DCT: variants seen among roughly 807,000 people sequenced by gnomAD.
The protein encoded by DCT is dopachrome tautomerase.
A neutral mutation model predicts 53.0 loss-of-function variants in DCT; 47 were observed. The ratio of observed to expected loss-of-function variants is 0.89; its 90% CI spans 0.70 to 1.13. The LOEUF (loss-of-function observed/expected upper bound fraction) is 1.13. Among genes scored for constraint, DCT ranks in the 50% most tolerant of loss-of-function variants. The pLI is 0.00. For synonymous variants in DCT, 244 were observed against 237.0 expected (o/e 1.03, Z -0.27); for missense variants, 669 against 637.4 (o/e 1.05, Z -0.53).
At chr13:94,536,295 A>C in the DCT span, among the ~76,000 whole-genome samples, 1 of 152,202 alleles carries the variant, frequency 6.6e-6, no homozygotes, top group Non-Finnish European at 1.5e-5. Flanking sequence ...TTCTGGGAGC[A>C]GCCAGGGCCT....
intron 6 of DCT, among the ~76,000 whole-genome samples, chr13:94,451,608 T>C (rs1032835581): frequency 1.3e-5 from 2 of 152,174 alleles, no homozygotes. Context: ...GATTTGTTCA[T>C]TTAAGAGGTG....
chr13:94,492,241 G>C, the DCT span, among the ~76,000 whole-genome samples: 1 of 152,226 alleles, frequency 6.6e-6, no homozygotes, highest in East Asian at 1.9e-4. Context: ...GAAGCAGCGA[G>C]CCTTAAAGAT....
At chr13:94,498,131 C>T in the DCT span, among the ~76,000 whole-genome samples, 1 of 152,132 alleles carries the variant, frequency 6.6e-6, no homozygotes, top group African/African-American at 2.4e-5. Context: ...GAGTGAAATC[C>T]CCAAAGTTGG....
intron 6 of DCT, among the ~76,000 whole-genome samples, chr13:94,443,951 A>C (rs1317290668): frequency 6.6e-6 from 1 of 152,218 alleles, no homozygotes; most frequent in African/African-American, 2.4e-5. Context: ...TGTTGGATTT[A>C]ACATTGGTTG....
At chr13:94,519,424 A>T in the DCT span, among the ~76,000 whole-genome samples, 1 of 152,140 alleles carries the variant, frequency 6.6e-6, no homozygotes, top group East Asian at 1.9e-4. Context: ...CTGGTTTTGT[A>T]CCCAAGGAGT....
the DCT span, among the ~76,000 whole-genome samples, chr13:94,496,590 TGGTAAG>T: frequency 1.3e-5 from 2 of 152,100 alleles, no homozygotes; most frequent in East Asian, 3.8e-4. Context: ...TATGGGCTGG[TGGTAAG>T]GGACATAATT....
At chr13:94,451,495 T>C (rs1055208398) in intron 6 of DCT, among the ~76,000 whole-genome samples, 6 of 152,236 alleles carry the variant, frequency 3.9e-5, no homozygotes, top group African/African-American at 1.2e-4. Context: ...TATAAATCTC[T>C]GCTCAGCCAT....
At chr13:94,480,517 T>C (rs1885396454), upstream of DCT, among the ~76,000 whole-genome samples, 1 of 152,212 alleles carries the variant, frequency 6.6e-6, no homozygotes, top group Admixed American at 6.5e-5. Flanking sequence ...TCTAAGAATA[T>C]ACTTGAATGT....
At chr13:94,453,248 G>A (rs1008444461) in intron 6 of DCT, among the ~76,000 whole-genome samples, 2 of 152,016 alleles carry the variant, frequency 1.3e-5, no homozygotes, top group African/African-American at 4.8e-5. Context: ...GGTACCCATG[G>A]TGGGGGGTCC....
chr13:94,464,100 A>C (rs1883998160), intron 4 of DCT, among the ~76,000 whole-genome samples: 1 of 152,246 alleles, frequency 6.6e-6, no homozygotes, highest in South Asian at 2.1e-4. Context: ...TGATGGAATT[A>C]AGCTCAGTCA....
the DCT span, among the ~76,000 whole-genome samples, chr13:94,493,889 T>C: frequency 2.0e-5 from 3 of 152,140 alleles, no homozygotes; most frequent in Non-Finnish European, 4.4e-5. Flanking sequence ...TCATGTAAAC[T>C]ATGGGCCCAA....
the DCT span, among the ~76,000 whole-genome samples, chr13:94,498,237 C>T: frequency 6.6e-6 from 1 of 152,204 alleles, no homozygotes; most frequent in Admixed American, 6.5e-5. Flanking sequence ...GTAGACCAAG[C>T]ATAATAAGAG....
the DCT span, among the ~76,000 whole-genome samples, chr13:94,516,176 A>AT: frequency 0.012 from 1,872 of 151,986 alleles, 44 homozygotes; most frequent in African/African-American, 0.042. Flanking sequence ...AAGAGGTGGC[A>AT]TATGGATTGA....
At position 94,439,877 on chromosome 13, in the gene DCT, C is replaced by G. The variant is rs1232679910; in HGVS notation, c.*21G>C. Reference sequence around the variant, plus strand: ...AACTGTGGCTTGGCCAGCCTCTTCTCTTAGGTAAGGCATGAGCACCCTAGG... The same window carrying G: ...AACTGTGGCTTGGCCAGCCTCTTCTGTTAGGTAAGGCATGAGCACCCTAGG... On this transcript the variant is annotated 3_prime_UTR_variant, in exon 8 of 8. Coordinates refer to ENST00000377028, the MANE Select transcript of DCT (RefSeq NM_001922.5). 6.3e-7 allele frequency: 1 copy of G among 1,593,836 alleles called. No individual in the cohort carries two copies. Among genetic ancestry groups the G allele is most frequent in the Admixed American group, 1.8e-5 (1 of 56,670 alleles).
At chr13:94,521,821 A>T in the DCT span, among the ~76,000 whole-genome samples, 4 of 152,230 alleles carry the variant, frequency 2.6e-5, no homozygotes, top group African/African-American at 9.6e-5. Flanking sequence ...TAGTATGTTC[A>T]AAGAGTTGTG....
chr13:94,478,280 G>A (rs1362655311), intron 1 of DCT, among the ~76,000 whole-genome samples: 2 of 151,648 alleles, frequency 1.3e-5, no homozygotes, highest in South Asian at 2.1e-4. Context: ...TCAGGAGTTC[G>A]GGACCAGCTT....
chr13:94,478,045 TG>T (rs1374620754), intron 1 of DCT, among the ~76,000 whole-genome samples: 1 of 151,904 alleles, frequency 6.6e-6, no homozygotes, highest in East Asian at 1.9e-4. Context: ...CAACAGGTAA[TG>T]AGAGAGACCA....
chr13:94,476,664 CAG>C (rs1436996328), intron 1 of DCT, among the ~76,000 whole-genome samples: 1 of 152,004 alleles, frequency 6.6e-6, no homozygotes, highest in East Asian at 1.9e-4. Context: ...TTAGTAGAGA[CAG>C]GGTTTCACCA....
At chr13:94,547,497 G>T in the DCT span, among the ~76,000 whole-genome samples, 1 of 152,038 alleles carries the variant, frequency 6.6e-6, no homozygotes, top group Non-Finnish European at 1.5e-5. Flanking sequence ...CCCTTCAGTC[G>T]AATTCTTTCT....
Sources: allele counts gnomAD v4.1 joint callset (sites outside exome capture counted in the v4.1 genomes callset), GRCh38; gene constraint gnomAD v4.1.1; transcripts MANE v1.5; gene names NCBI Gene and HGNC (gene_info 2026-07-23, HGNC 2026-07-21).